Variants in MLLT1 observed in about 807,000 individuals in gnomAD.
The protein encoded by MLLT1 is protein ENL.
Under a neutral mutation model 55.1 loss-of-function variants are expected in MLLT1, and 11 were observed. The observed-to-expected ratio is 0.20, with a 90% CI of 0.13 to 0.33. The LOEUF is 0.33. Ranked by LOEUF, MLLT1 falls within the 10% of genes least tolerant of loss-of-function variation. The pLI is 1.00. For synonymous variants in MLLT1, 323 were observed against 320.1 expected, an observed-to-expected ratio of 1.01 and a Z score of -0.10; for missense variants, 536 against 760.6, an observed-to-expected ratio of 0.70 and a Z score of 3.47.
chr19:6,237,763 C>CAA (rs1269996726), intron 3 of MLLT1, among the ~76,000 whole-genome samples: 5,137 of 71,614 alleles, frequency 0.072, 201 homozygotes, highest in East Asian at 0.2. Context: ...ACTCTTGTCT[C>CAA]AAAAAAAAAA....
Position 6,211,105 on chromosome 19 carries a change from T to C in MLLT1, c.*1937A>G, listed in dbSNP as rs2090764398. On this transcript the variant is annotated 3_prime_UTR_variant, in exon 12 of 12. Coordinates refer to ENST00000252674, the MANE Select transcript of MLLT1 (RefSeq NM_005934.4). This position sits in a 1 kb window ranked among gnomAD's most constrained non-coding sequence, Gnocchi z 4.6. ...GGCCAGCACCCTGGGCTGAGGTTCC[T>C]GTCCGTGACCCCGGCGGCCTCTTGT... 8.6e-6 allele frequency: 2 copies of C among 232,248 alleles called. No homozygotes were observed. Among genetic ancestry groups the C allele is most frequent in the Non-Finnish European group, 8.5e-6 (1 of 117,472 alleles). 14.4% of individuals were successfully genotyped at this position (232,248 alleles called of 1,614,324 possible).
intron 3 of MLLT1, among the ~76,000 whole-genome samples, chr19:6,246,889 C>A (rs1032174450): frequency 6.6e-6 from 1 of 152,212 alleles, no homozygotes; most frequent in African/African-American, 2.4e-5. Flanking sequence ...TAACCTTGTA[C>A]CCTTGCAGCG....
intron 1 of MLLT1, among the ~76,000 whole-genome samples, chr19:6,275,829 T>C (rs1403884402): frequency 6.6e-6 from 1 of 152,216 alleles, no homozygotes; most frequent in Non-Finnish European, 1.5e-5. Flanking sequence ...GGTCTGCAGA[T>C]TCCTGGTAAG....
chr19:6,216,345 A>C (rs2090843145), intron 8 of MLLT1, 60 bp downstream of exon 8: 6 of 1,244,096 alleles, frequency 4.8e-6, no homozygotes, highest in Admixed American at 2.0e-5. Flanking sequence ...ATCACTGCAG[A>C]CCCAGCCGGA....
intron 2 of MLLT1, among the ~76,000 whole-genome samples, chr19:6,265,847 T>G (rs954061569): frequency 2.0e-5 from 3 of 150,958 alleles, no homozygotes; most frequent in Admixed American, 6.6e-5. Flanking sequence ...AGGGTGGTGG[T>G]GGGGGCTTGT....
At chr19:6,213,631 T>C in intron 10 of MLLT1, 95 bp downstream of exon 10, 1 of 1,237,320 alleles carries the variant, frequency 8.1e-7, no homozygotes, top group East Asian at 2.3e-5. Context: ...AGTCCAACTG[T>C]GGGGTGTTGG....
intron 3 of MLLT1, among the ~76,000 whole-genome samples, chr19:6,260,335 A>G (rs977624293): frequency 6.6e-6 from 1 of 152,084 alleles, no homozygotes; most frequent in African/African-American, 2.4e-5. Context: ...TGCATTTCAG[A>G]CTCAGTTGAG....
rs527383125 is a variant in MLLT1 at position 6,224,756 on chromosome 19, G to A, written c.547-2072C>T. On this transcript the variant is annotated intron_variant, in intron 5 of 11. Transcript: ENST00000252674. Reference sequence around the variant, plus strand: ...TTGTTTGCTTTTGTTTTGAGACGGAGTCTTGTTATGTCGCCCAGGCTGGAG... The same window carrying A: ...TTGTTTGCTTTTGTTTTGAGACGGAATCTTGTTATGTCGCCCAGGCTGGAG... Among the ~76,000 whole-genome samples the A allele has an allele frequency of 8.5e-5, 13 of 152,336 alleles. No homozygotes were observed. In the East Asian group the frequency reaches 2.3e-3, roughly 27 times the overall value.
intron 3 of MLLT1, among the ~76,000 whole-genome samples, chr19:6,249,081 T>C (rs1409306315): frequency 2.6e-5 from 4 of 152,160 alleles, no homozygotes; most frequent in Non-Finnish European, 5.9e-5. Context: ...GCCTTTCTGA[T>C]GACGTTTCCA....
At chr19:6,265,105 CAT>C (rs2091339372) in intron 2 of MLLT1, among the ~76,000 whole-genome samples, 1 of 107,402 alleles carries the variant, frequency 9.3e-6, no homozygotes, top group East Asian at 2.3e-4. Context: ...GTCCTAAAAA[CAT>C]AAAAACATCC....
intron 1 of MLLT1, among the ~76,000 whole-genome samples, chr19:6,275,763 GA>G (rs1280652940): frequency 6.6e-6 from 1 of 152,204 alleles, no homozygotes; most frequent in African/African-American, 2.4e-5. Flanking sequence ...TTTCTCTCTG[GA>G]AACTCTCTAA....
In MLLT1 at chr19:6,211,611, C is replaced by G; in HGVS notation, c.*1431G>C. ...GCGAGCCCACCTCCAGGCCCTCAGC[C>G]CTCTTTTCCTCATAACTTGGTCAGG... On this transcript the variant is annotated 3_prime_UTR_variant, in exon 12 of 12. Coordinates refer to ENST00000252674, the MANE Select transcript of MLLT1 (RefSeq NM_005934.4). This position sits in a 1 kb window ranked among gnomAD's most constrained non-coding sequence, Gnocchi z 4.6. The G allele has an allele frequency of 9.4e-7, 1 of 1,065,208 alleles. No individual in the cohort carries two copies. The highest frequency in any genetic ancestry group is 1.1e-6 in the Non-Finnish European group (1 of 879,138). The allele number at this position is 1,065,208 out of a possible 1,614,324, so 66.0% of individuals were successfully genotyped here. A position where few individuals can be genotyped will look rare whatever the true frequency, so the allele number is the denominator to read the frequency against.
intron 2 of MLLT1, among the ~76,000 whole-genome samples, chr19:6,269,176 C>G (rs2091373544): frequency 6.6e-6 from 1 of 152,244 alleles, no homozygotes; most frequent in African/African-American, 2.4e-5. Flanking sequence ...TGGCCGTGCA[C>G]CAATAAAAAC....
At chr19:6,278,592 G>A (rs888860234) in intron 1 of MLLT1, among the ~76,000 whole-genome samples, 4 of 152,180 alleles carry the variant, frequency 2.6e-5, no homozygotes, top group Non-Finnish European at 5.9e-5. Flanking sequence ...GATCCTGAAG[G>A]CAAAGGTTGT....
intron 5 of MLLT1, among the ~76,000 whole-genome samples, chr19:6,225,152 T>A (rs1299568044): frequency 6.6e-6 from 1 of 152,214 alleles, no homozygotes; most frequent in South Asian, 2.1e-4. Flanking sequence ...TGTGAGAGGG[T>A]CCTGCCCCCT....
At position 6,213,983 on chromosome 19, in the gene MLLT1, G is replaced by A. The variant is rs758164776; in HGVS notation, c.1363C>T (p.Arg455Cys). 13 of 1,462,230 alleles carry A rather than the reference G, an allele frequency of 8.9e-6. No individual in the cohort carries two copies. The highest frequency in any genetic ancestry group is 2.6e-5 in the Admixed American group (1 of 38,300). The allele number at this position is 1,462,230 out of a possible 1,614,324, so 90.6% of individuals were successfully genotyped here. Residue 455 changes from arginine to cysteine, a missense_variant, in exon 9 of 12, where the codon CGT becomes TGT. Coordinates refer to ENST00000252674, the MANE Select transcript of MLLT1 (RefSeq NM_005934.4). ...GGCTTCTGGGGGGGTGGGGGCTCACGGCTGGGCAGGGAGGAGTCGGCGCTG... is the reference window on the plus strand; with the variant it reads ...GGCTTCTGGGGGGGTGGGGGCTCACAGCTGGGCAGGGAGGAGTCGGCGCTG... The part of the protein sequence containing the change: ...DNSADSSLPS[R>C]EPPPPQKPPP...
chr19:6,214,559 G>C (rs967617679), intron 8 of MLLT1, among the ~76,000 whole-genome samples: 1 of 152,156 alleles, frequency 6.6e-6, no homozygotes, highest in Non-Finnish European at 1.5e-5. Flanking sequence ...GGTATCTGGT[G>C]GTGGGGAGAG....
intron 3 of MLLT1, among the ~76,000 whole-genome samples, chr19:6,253,916 T>C (rs892727434): frequency 3.3e-5 from 5 of 152,204 alleles, no homozygotes; most frequent in Non-Finnish European, 4.4e-5. Context: ...ATGGTGGTGA[T>C]AGAAGCCTGT....
Position 6,216,479 on chromosome 19 carries a change from G to A in MLLT1, c.1233C>T (p.Ser411=), listed in dbSNP as rs939206068. The A allele has an allele frequency of 1.6e-5, 26 of 1,605,882 alleles. No homozygotes were observed. Among genetic ancestry groups the A allele is most frequent in the East Asian group, 4.5e-5 (2 of 44,636 alleles). Reference sequence around the variant, plus strand: ...AAGAGTCGTCCTCGTCGGACTCCTCGGACTGCAGGTCCTCCACCATGGAGC... The same window carrying A: ...AAGAGTCGTCCTCGTCGGACTCCTCAGACTGCAGGTCCTCCACCATGGAGC... The part of the protein sequence containing the change: ...PLRSMVEDLQ[S]EESDEDDSSS... The change falls in exon 8 of 12, where the codon TCC becomes TCT. Residue 411 remains serine (S), a synonymous_variant. Transcript: ENST00000252674.
Sources: gnomAD v4.1 joint callset for allele counts (sites outside exome capture counted in the v4.1 genomes callset) on GRCh38, gnomAD v4.1.1 for gene constraint, Gnocchi (gnomAD v3.1) non-coding constraint, MANE v1.5 for transcripts, NCBI Gene and HGNC (gene_info 2026-07-23, HGNC 2026-07-21) for gene names.